TMEM132D: variants seen among roughly 807,000 people sequenced by gnomAD.
The protein encoded by TMEM132D is mature OL transmembrane protein.
In TMEM132D, 21 loss-of-function variants were observed where a neutral mutation model predicts 62.3. The ratio of observed to expected loss-of-function variants is 0.34; its 90% confidence interval spans 0.24 to 0.49. TMEM132D has a LOEUF of 0.49. TMEM132D is among the 20% of genes least tolerant of loss of function. The pLI, the probability that TMEM132D is intolerant of heterozygous loss-of-function variation, is 0.99. For missense variants in TMEM132D, 1,346 were observed against 1,402.8 expected (o/e 0.96, Z 0.65); for synonymous variants, 621 against 575.6 (o/e 1.08, Z -1.13).
chr12:129,618,469 C>T (rs773612950), intron 2 of TMEM132D, among the ~76,000 whole-genome samples: 2 of 152,114 alleles, frequency 1.3e-5, no homozygotes, highest in Non-Finnish European at 2.9e-5. Flanking sequence ...ATGTTCCATC[C>T]CATGGTTTGG....
chr12:129,293,797 G>C (rs1463260297), intron 4 of TMEM132D, among the ~76,000 whole-genome samples: 1 of 152,150 alleles, frequency 6.6e-6, no homozygotes, highest in Non-Finnish European at 1.5e-5. Context: ...GAGCCATGGG[G>C]AGCAGCTGTA....
At chr12:129,425,602 C>T (rs1338086923) in intron 3 of TMEM132D, among the ~76,000 whole-genome samples, 1 of 152,152 alleles carries the variant, frequency 6.6e-6, no homozygotes, top group Non-Finnish European at 1.5e-5. Context: ...CTAATACATC[C>T]TAAAATGCCT....
chr12:129,399,872 T>G (rs1253296083), intron 3 of TMEM132D, among the ~76,000 whole-genome samples: 1 of 151,466 alleles, frequency 6.6e-6, no homozygotes, highest in Non-Finnish European at 1.5e-5. Context: ...GAAAGAGTTG[T>G]GTGTGTGCGT....
rs2137227592 is a variant in TMEM132D at position 129,700,542 on chromosome 12, A to T, written c.236T>A (p.Val79Glu). Residue 79 changes from valine to glutamate, a missense_variant, in exon 2 of 9, where the codon GTG becomes GAG. By Grantham distance (121) the Val-to-Glu change is moderately radical. Transcript: ENST00000422113. ...IMRNSSLQSR[V>E]ESFLIYKSRR... The stretch of plus-strand genomic sequence containing the variant: ...GGATTTGTAAATCAGAAATGACTCC[A>T]CCCGGGACTGCAGGCTGGAGTTCCT... The T allele has an allele frequency of 6.2e-7, 1 of 1,613,928 alleles. No homozygotes were observed.
intron 3 of TMEM132D, among the ~76,000 whole-genome samples, chr12:129,346,126 G>C (rs982319347): frequency 2.0e-5 from 3 of 152,036 alleles, no homozygotes; most frequent in African/African-American, 7.2e-5. Flanking sequence ...ACTTGTTATT[G>C]GTCTATTCAG....
chr12:129,466,757 G>C (rs1247388433), intron 3 of TMEM132D, among the ~76,000 whole-genome samples: 5 of 152,140 alleles, frequency 3.3e-5, no homozygotes, highest in Admixed American at 3.3e-4. Flanking sequence ...TTGCTTACTT[G>C]TTCTCATGTA....
At chr12:129,118,922 T>G (rs1307375184) in intron 5 of TMEM132D, among the ~76,000 whole-genome samples, 1 of 152,214 alleles carries the variant, frequency 6.6e-6, no homozygotes, top group African/African-American at 2.4e-5. Context: ...CATGTGTTCT[T>G]TCTCCAACAG....
intron 2 of TMEM132D, among the ~76,000 whole-genome samples, chr12:129,615,535 G>A (rs544557654): frequency 1.0e-4 from 15 of 148,836 alleles, no homozygotes; most frequent in East Asian, 3.9e-4. Flanking sequence ...AGGATTGTTC[G>A]AGCCCAGGAG....
intron 2 of TMEM132D, among the ~76,000 whole-genome samples, chr12:129,683,994 G>A (rs1342164528): frequency 6.6e-6 from 1 of 152,188 alleles, no homozygotes; most frequent in African/African-American, 2.4e-5. Context: ...CTGCATAAAT[G>A]AAAAGTCAAC....
At chr12:129,689,813 G>A (rs1023352167) in intron 2 of TMEM132D, among the ~76,000 whole-genome samples, 17 of 152,110 alleles carry the variant, frequency 1.1e-4, no homozygotes, top group African/African-American at 4.1e-4. Flanking sequence ...ACTGGTTTCA[G>A]CTCTGATGTG....
At chr12:129,754,922 C>T (rs541724961) in intron 1 of TMEM132D, among the ~76,000 whole-genome samples, 2 of 152,240 alleles carry the variant, frequency 1.3e-5, no homozygotes, top group African/African-American at 4.8e-5. Flanking sequence ...AAAAGGCCAC[C>T]ACGTTTGTCA....
intron 4 of TMEM132D, among the ~76,000 whole-genome samples, chr12:129,279,266 T>C (rs770148787): frequency 7.9e-5 from 12 of 152,220 alleles, no homozygotes; most frequent in Non-Finnish European, 1.5e-4. Flanking sequence ...TCTTGGAGGA[T>C]AACAGTCAGT....
intron 3 of TMEM132D, among the ~76,000 whole-genome samples, chr12:129,495,745 AGGGGTAGT>A: frequency 6.6e-6 from 1 of 152,250 alleles, no homozygotes; most frequent in South Asian, 2.1e-4. Context: ...GGGTGGGGAC[AGGGGTAGT>A]GATGGGCTCT....
In TMEM132D at chr12:129,089,505, C is replaced by G. The variant is rs551487001; in HGVS notation, c.1444-4803G>C. On this transcript the variant is annotated intron_variant, in intron 5 of 8. Coordinates refer to ENST00000422113, the MANE Select transcript of TMEM132D (RefSeq NM_133448.3). ...GGTGTCCTCCATGACCGGGTGTCCT[C>G]TATGACCGGGTGTCCTCCATGACCG... Among the ~76,000 whole-genome samples the G allele has an allele frequency of 3.4e-3, 240 of 70,254 alleles. 58 individuals carry two copies. The highest frequency in any genetic ancestry group is 9.2e-3 in the African/African-American group (235 of 25,618). 46.1% of individuals were successfully genotyped at this position (70,254 alleles called of 152,430 possible). A position where few individuals can be genotyped will look rare whatever the true frequency, so the allele number is the denominator to read the frequency against.
chr12:129,388,604 A>G lies in TMEM132D; in HGVS notation c.1116-50787T>C, dbSNP rs182784464. On this transcript the variant is annotated intron_variant, in intron 3 of 8. Coordinates refer to ENST00000422113, the MANE Select transcript of TMEM132D (RefSeq NM_133448.3). ...TAACACCGACACCAATACTAACACC[A>G]ACACCAATCCAGCACTGATGATAAT... 8.0e-3 allele frequency among the ~76,000 whole-genome samples: 983 copies of G among 122,822 alleles called. 89 individuals carry two copies. The highest frequency in any genetic ancestry group is 0.014 in the Non-Finnish European group (720 of 52,402). The allele number at this position is 122,822 out of a possible 152,430, so 80.6% of individuals were successfully genotyped here.
At chr12:129,811,444 C>G (rs1034473920) in intron 1 of TMEM132D, among the ~76,000 whole-genome samples, 1 of 151,650 alleles carries the variant, frequency 6.6e-6, no homozygotes, top group Non-Finnish European at 1.5e-5. Context: ...GGACCACATT[C>G]TCAGGGACCT....
intron 1 of TMEM132D, among the ~76,000 whole-genome samples, chr12:129,763,111 T>C (rs1160281026): frequency 6.6e-6 from 1 of 152,344 alleles, no homozygotes; most frequent in African/African-American, 2.4e-5. Flanking sequence ...AGGGTCTCAC[T>C]CTGTGGTCCA....
At chr12:129,285,730 A>C (rs1313624493) in intron 4 of TMEM132D, among the ~76,000 whole-genome samples, 1 of 152,158 alleles carries the variant, frequency 6.6e-6, no homozygotes, top group Non-Finnish European at 1.5e-5. Flanking sequence ...ATTTAAATCA[A>C]GCTGCCTAAA....
intron 3 of TMEM132D, among the ~76,000 whole-genome samples, chr12:129,388,518 A>G (rs1199566180): frequency 9.7e-6 from 1 of 103,040 alleles, no homozygotes; most frequent in African/African-American, 3.3e-5. Context: ...CAATACTAAC[A>G]CCAACACCAA....
Sources: allele counts gnomAD v4.1 joint callset (sites outside exome capture counted in the v4.1 genomes callset), GRCh38; gene constraint gnomAD v4.1.1; transcripts MANE v1.5; gene names NCBI Gene and HGNC (gene_info 2026-07-23, HGNC 2026-07-21).